The following PAN3 variants were observed in gnomAD, a reference collection of about 807,000 sequenced individuals.
PAN3 encodes the protein PAN2-PAN3 deadenylation complex subunit PAN3.
A neutral mutation model predicts 96.2 loss-of-function variants in PAN3; 19 were observed. That is an observed-to-expected ratio of 0.20 (90% confidence interval 0.14 to 0.29). The LOEUF is 0.29. Ranked by LOEUF, PAN3 falls within the 10% of genes least tolerant of loss-of-function variation. PAN3 has a pLI of 1.00. For missense variants in PAN3, 882 were observed against 1,108.1 expected, an observed-to-expected ratio of 0.80 and a Z score of 2.90; for synonymous variants, 433 against 406.6, an observed-to-expected ratio of 1.06 and a Z score of -0.78.
Position 28,156,030 on chromosome 13 carries a change from C to T in PAN3, c.430+16943C>T, listed in dbSNP as rs1173835249. Among the ~76,000 whole-genome samples the T allele has an allele frequency of 2.6e-5, 4 of 152,028 alleles. No homozygotes were observed. The South Asian group carries it at 8.3e-4, about 31-fold the overall frequency. On this transcript the variant is annotated intron_variant, in intron 1 of 18. Coordinates refer to ENST00000380958, the MANE Select transcript of PAN3 (RefSeq NM_175854.8). The stretch of plus-strand genomic sequence containing the variant: ...TGATAAGATCTGTGTTTTACCACCC[C>T]CAAAGCTGGCAGAAGACAAGAAATA...
chr13:28,159,651 T>C (rs1350176943), intron 1 of PAN3, among the ~76,000 whole-genome samples: 1 of 152,138 alleles, frequency 6.6e-6, no homozygotes, highest in East Asian at 1.9e-4. Flanking sequence ...TTTCACCATG[T>C]TGGTCAGGCT....
chr13:28,155,038 G>A (rs536327241), intron 1 of PAN3, among the ~76,000 whole-genome samples: 4 of 148,646 alleles, frequency 2.7e-5, no homozygotes, highest in Admixed American at 1.3e-4. Flanking sequence ...CCGTGGTCTC[G>A]ATCTCCTGAC....
At position 28,294,625 on chromosome 13, in the gene PAN3, T is replaced by G. The variant is rs1870124765; in HGVS notation, c.*2103T>G. Reference sequence around the variant, plus strand: ...AAAATAGGGCTTGAATTTCTCATTCTGTATAGACCAGCAAACTTCCCTGTG... The same window carrying G: ...AAAATAGGGCTTGAATTTCTCATTCGGTATAGACCAGCAAACTTCCCTGTG... On this transcript the variant is annotated 3_prime_UTR_variant, in exon 19 of 19. Coordinates refer to ENST00000380958, the MANE Select transcript of PAN3 (RefSeq NM_175854.8). 1 of 152,664 alleles carries G rather than the reference T, an allele frequency of 6.6e-6. No individual in the cohort carries two copies. Among genetic ancestry groups the G allele is most frequent in the Non-Finnish European group, 1.5e-5 (1 of 68,036 alleles). The allele number at this position is 152,664 out of a possible 1,614,324, so 9.5% of individuals were successfully genotyped here. A position where few individuals can be genotyped will look rare whatever the true frequency, so the allele number is the denominator to read the frequency against.
At chr13:28,139,864 T>G (rs945319407) in intron 1 of PAN3, among the ~76,000 whole-genome samples, 8 of 152,178 alleles carry the variant, frequency 5.3e-5, no homozygotes, top group South Asian at 2.1e-4. Flanking sequence ...GCATGTCATG[T>G]GCAGCCTGCG....
At chr13:28,284,922 G>C (rs1370708082) in intron 17 of PAN3, among the ~76,000 whole-genome samples, 1 of 152,106 alleles carries the variant, frequency 6.6e-6, no homozygotes, top group African/African-American at 2.4e-5. Context: ...TATTTATCGT[G>C]TTTAAACTCT....
chr13:28,150,766 A>G (rs1871269162), intron 1 of PAN3, among the ~76,000 whole-genome samples: 1 of 152,224 alleles, frequency 6.6e-6, no homozygotes, highest in African/African-American at 2.4e-5. Flanking sequence ...TAATTGGTTA[A>G]TAAACATTTA....
intron 5 of PAN3, among the ~76,000 whole-genome samples, chr13:28,202,640 A>G (rs972519160): frequency 1.2e-4 from 18 of 151,224 alleles, no homozygotes; most frequent in Non-Finnish European, 4.4e-5. Context: ...AGCAGGCAGG[A>G]TAGAATATAT....
intron 1 of PAN3, among the ~76,000 whole-genome samples, chr13:28,161,070 C>T (rs1199710312): frequency 1.3e-5 from 2 of 152,154 alleles, no homozygotes; most frequent in Non-Finnish European, 2.9e-5. Flanking sequence ...CTTCCATTTT[C>T]CCTTTTTTTA....
intron 6 of PAN3, 144 bp downstream of exon 6, chr13:28,220,522 T>G (rs1881290945): frequency 3.2e-4 from 286 of 882,562 alleles, no homozygotes; most frequent in Non-Finnish European, 4.1e-4. Context: ...TTTGGTACCA[T>G]AGGCCAAATG....
chr13:28,283,030 C>G (rs73446987), intron 17 of PAN3, among the ~76,000 whole-genome samples: 14,146 of 151,670 alleles, frequency 0.093, 832 homozygotes, highest in African/African-American at 0.17. Flanking sequence ...ATACTAAATT[C>G]TAGATTGTCC....
intron 5 of PAN3, among the ~76,000 whole-genome samples, chr13:28,216,318 G>A (rs963679953): frequency 5.3e-5 from 8 of 152,084 alleles, no homozygotes; most frequent in Admixed American, 3.9e-4. Context: ...TGGAGACTTG[G>A]GGGCAGAGAG....
intron 6 of PAN3, among the ~76,000 whole-genome samples, chr13:28,250,590 C>G (rs138676425): frequency 0.01 from 1,557 of 152,294 alleles, 25 homozygotes; most frequent in African/African-American, 0.035. Flanking sequence ...TGGTCTCAGA[C>G]TCCTGACCTC....
At chr13:28,187,434 A>T (rs1242962025) in intron 4 of PAN3, among the ~76,000 whole-genome samples, 1 of 152,222 alleles carries the variant, frequency 6.6e-6, no homozygotes, top group Non-Finnish European at 1.5e-5. Context: ...AAGCACAAGG[A>T]TATAAGAAGT....
At chr13:28,258,977 A>C (rs1885447871) in intron 7 of PAN3, among the ~76,000 whole-genome samples, 1 of 152,084 alleles carries the variant, frequency 6.6e-6, no homozygotes, top group Non-Finnish European at 1.5e-5. Context: ...TTTTCCCCTG[A>C]ATATTTCCTA....
At chr13:28,260,675 A>G in intron 8 of PAN3, 124 bp downstream of exon 8, 2 of 742,902 alleles carry the variant, frequency 2.7e-6, no homozygotes, top group Non-Finnish European at 4.2e-6. Flanking sequence ...AAGCACATCG[A>G]ATTTAGAAGT....
At chr13:28,220,770 T>C (rs1881319726) in intron 6 of PAN3, among the ~76,000 whole-genome samples, 3 of 152,212 alleles carry the variant, frequency 2.0e-5, no homozygotes, top group African/African-American at 4.8e-5. Context: ...ACATTAAATT[T>C]CTAAAAAATA....
chr13:28,256,218 G>A (rs1885122607), intron 6 of PAN3, 74 bp from the exon 7 acceptor site: 1 of 1,425,256 alleles, frequency 7.0e-7, no homozygotes, highest in Non-Finnish European at 9.5e-7. Context: ...ATGAATGTTT[G>A]CATTTTATTT....
At chr13:28,138,253 G>C (rs1391867773), upstream of PAN3, 1 of 152,818 alleles carries the variant, frequency 6.5e-6, no homozygotes. Context: ...GGAGGAACCA[G>C]AGCGCGAGAG....
chr13:28,215,701 A>G, intron 5 of PAN3: 2 of 1,490,232 alleles, frequency 1.3e-6, no homozygotes, highest in East Asian at 2.4e-5. Context: ...AAGTCTGGTG[A>G]TGCCGCCATT....
Sources: allele counts gnomAD v4.1 joint callset (sites outside exome capture counted in the v4.1 genomes callset), GRCh38; gene constraint gnomAD v4.1.1; transcripts MANE v1.5; gene names NCBI Gene and HGNC (gene_info 2026-07-23, HGNC 2026-07-21).